TLE4: variants seen among roughly 807,000 people sequenced by gnomAD.
TLE4 encodes transducin-like enhancer protein 4.
A neutral mutation model predicts 92.8 loss-of-function variants in TLE4; 8 were observed. That is an observed-to-expected ratio of 0.09 (90% CI 0.05 to 0.16). TLE4 has a LOEUF of 0.16. Among genes scored for constraint, TLE4 ranks in the 10% least tolerant of loss-of-function variants. The pLI, the probability that TLE4 is intolerant of heterozygous loss-of-function variation, is 1.00. For missense variants in TLE4, 675 were observed against 997.6 expected, an observed-to-expected ratio of 0.68 and a Z score of 4.36; for synonymous variants, 371 against 374.1, an observed-to-expected ratio of 0.99 and a Z score of 0.10.
At chr9:79,714,917 C>G (rs182820454) in intron 14 of TLE4, among the ~76,000 whole-genome samples, 1 of 152,320 alleles carries the variant, frequency 6.6e-6, no homozygotes, top group East Asian at 1.9e-4. Flanking sequence ...TAGTTACAGT[C>G]AAAGAGTTTA....
chr9:79,652,226 G>A (rs1181206050), intron 6 of TLE4, among the ~76,000 whole-genome samples: 4 of 150,750 alleles, frequency 2.7e-5, no homozygotes, highest in Middle Eastern at 3.2e-3. Flanking sequence ...TTGCTCTGTC[G>A]CCCAGGCTGG....
chr9:79,657,456 C>T (rs921317938), intron 8 of TLE4, among the ~76,000 whole-genome samples: 5 of 152,196 alleles, frequency 3.3e-5, no homozygotes, highest in Non-Finnish European at 5.9e-5. Flanking sequence ...TGCCCACCCC[C>T]TCTCATTGAG....
At chr9:79,716,639 G>A (rs62569355) in intron 14 of TLE4, among the ~76,000 whole-genome samples, 2,438 of 152,234 alleles carry the variant, frequency 0.016, 35 homozygotes, top group Middle Eastern at 0.024. Context: ...TCTGGCCTTC[G>A]AATTTGCCAT....
intron 8 of TLE4, among the ~76,000 whole-genome samples, chr9:79,687,030 G>A (rs949966754): frequency 8.5e-5 from 13 of 152,326 alleles, no homozygotes; most frequent in African/African-American, 2.4e-4. Flanking sequence ...TGGGGATACT[G>A]TGGTGAAAAC....
chr9:79,660,983 T>TA (rs1279287713), intron 8 of TLE4, among the ~76,000 whole-genome samples: 18 of 152,224 alleles, frequency 1.2e-4, no homozygotes, highest in Admixed American at 1.2e-3. Flanking sequence ...TTTCCCTCCA[T>TA]AAACCATCCC....
chr9:79,620,595 A>T (rs2050713962), intron 5 of TLE4, among the ~76,000 whole-genome samples: 1 of 152,218 alleles, frequency 6.6e-6, no homozygotes, highest in Admixed American at 6.5e-5. Flanking sequence ...GTGCTGAGAT[A>T]ACCTGCAGTT....
chr9:79,672,137 G>A (rs562753504), intron 8 of TLE4, among the ~76,000 whole-genome samples: 222 of 151,436 alleles, frequency 1.5e-3, no homozygotes, highest in Non-Finnish European at 2.4e-3. Context: ...GGGAGAGAGG[G>A]TGCGCAGAAT....
At chr9:79,582,458 G>A (rs1240555529) in intron 4 of TLE4, among the ~76,000 whole-genome samples, 1 of 152,108 alleles carries the variant, frequency 6.6e-6, no homozygotes, top group African/African-American at 2.4e-5. Flanking sequence ...TGGTGAAGGA[G>A]ACAATACAAG....
At chr9:79,655,012 T>G (rs1173193636) in intron 8 of TLE4, among the ~76,000 whole-genome samples, 1 of 152,154 alleles carries the variant, frequency 6.6e-6, no homozygotes, top group African/African-American at 2.4e-5. Context: ...CATAGTGGCT[T>G]GCGCCTGTAG....
Position 79,654,111 on chromosome 9 carries a change from A to G in TLE4, c.609+36A>G. The stretch of plus-strand genomic sequence containing the variant: ...AAATTTACAGACTAAGGAATGGCTT[A>G]AAAGGGCTGTAAATGATTTGAATGA... On this transcript the variant is annotated intron_variant, in intron 8 of 19. Coordinates refer to ENST00000376552, the MANE Select transcript of TLE4 (RefSeq NM_007005.6). The G allele has an allele frequency of 1.9e-6, 3 of 1,595,730 alleles. No homozygotes were observed. In the African/African-American group the frequency reaches 4.0e-5, roughly 21 times the overall value.
At chr9:79,614,782 G>T (rs2807308) in intron 5 of TLE4, among the ~76,000 whole-genome samples, 44,718 of 151,884 alleles carry the variant, frequency 0.29, 8,017 homozygotes, top group African/African-American at 0.51. Flanking sequence ...TCTTAAAACA[G>T]TATGAGATTT....
intron 6 of TLE4, among the ~76,000 whole-genome samples, chr9:79,630,013 C>G (rs1033419407): frequency 2.6e-5 from 4 of 152,088 alleles, no homozygotes; most frequent in African/African-American, 9.7e-5. Context: ...AGAATGTAGT[C>G]AGCAGTGATT....
chr9:79,662,453 TC>T (rs2060668982), intron 8 of TLE4, among the ~76,000 whole-genome samples: 1 of 152,186 alleles, frequency 6.6e-6, no homozygotes, highest in Admixed American at 6.5e-5. Context: ...TTTTGAGAAT[TC>T]TATTCACTTA....
chr9:79,672,538 T>C (rs559576104), intron 8 of TLE4, among the ~76,000 whole-genome samples: 1 of 152,288 alleles, frequency 6.6e-6, no homozygotes, highest in East Asian at 1.9e-4. Flanking sequence ...CTGGGAAACA[T>C]GAGGCCATAT....
At chr9:79,714,114 C>T (rs954954927) in intron 14 of TLE4, among the ~76,000 whole-genome samples, 1 of 152,172 alleles carries the variant, frequency 6.6e-6, no homozygotes, top group Admixed American at 6.6e-5. Context: ...TCCCCTCGGC[C>T]TCCCAAAGTG....
chr9:79,618,368 G>T (rs537255576), intron 5 of TLE4, among the ~76,000 whole-genome samples: 2 of 152,052 alleles, frequency 1.3e-5, no homozygotes, highest in African/African-American at 4.8e-5. Flanking sequence ...CTTACCATTC[G>T]AATGTTGGAG....
chr9:79,627,366 A>G lies in TLE4; in HGVS notation c.316-8A>G, dbSNP rs746167892. On this transcript the variant is annotated splice_region_variant and splice_polypyrimidine_tract_variant and intron_variant, in intron 5 of 19. Coordinates refer to ENST00000376552, the MANE Select transcript of TLE4 (RefSeq NM_007005.6). The stretch of plus-strand genomic sequence containing the variant: ...TAATTGTATTCTGTTTCTGATCTTC[A>G]TTTATAGCACCAGCAACAAGTGGTG... 5.0e-6 allele frequency: 8 copies of G among 1,613,940 alleles called. No homozygotes were observed. The highest frequency in any genetic ancestry group is 6.8e-6 in the Non-Finnish European group (8 of 1,179,952).
chr9:79,572,494 G>C lies in TLE4; in HGVS notation c.-297G>C, dbSNP rs1334971126. The C allele has an allele frequency of 6.5e-6, 1 of 154,478 alleles. No homozygotes were observed. Among genetic ancestry groups the C allele is most frequent in the Non-Finnish European group, 1.4e-5 (1 of 69,926 alleles). The allele number at this position is 154,478 out of a possible 1,614,324, so 9.6% of individuals were successfully genotyped here. ...GCGGCCGCGGCGCCGGGCTCGGCGG[G>C]TGCGCCTCGGCGGAGCGAACGTCGG... is the stretch of plus-strand genomic sequence containing the variant. On this transcript the variant is annotated 5_prime_UTR_variant, in exon 1 of 20. Coordinates refer to ENST00000376552, the MANE Select transcript of TLE4 (RefSeq NM_007005.6).
intron 8 of TLE4, among the ~76,000 whole-genome samples, chr9:79,679,882 C>A (rs4298561): frequency 4.6e-5 from 7 of 151,398 alleles, no homozygotes; most frequent in Non-Finnish European, 8.9e-5. Context: ...GAATCCTTTC[C>A]CCATTGCTTG....
Sources: gnomAD v4.1 joint callset for allele counts (sites outside exome capture counted in the v4.1 genomes callset) on GRCh38, gnomAD v4.1.1 for gene constraint, MANE v1.5 for transcripts, NCBI Gene and HGNC (gene_info 2026-07-23, HGNC 2026-07-21) for gene names.